PPM1L: variants seen among roughly 807,000 people sequenced by gnomAD.
The protein encoded by PPM1L is protein phosphatase, Mg2+/Mn2+ dependent 1L.
Under a neutral mutation model 31.4 loss-of-function variants are expected in PPM1L, and 13 were observed. That is an observed-to-expected ratio of 0.41 (90% CI 0.27 to 0.66). The LOEUF (loss-of-function observed/expected upper bound fraction) is 0.66, where lower values mean the gene tolerates loss of function less well. PPM1L is among the 30% of genes least tolerant of loss of function. The probability of loss-of-function intolerance (pLI) is 0.29; values close to 1 mark genes in which losing one functional copy is unlikely to be tolerated. For synonymous variants in PPM1L, 184 were observed against 175.4 expected (o/e 1.05, Z -0.39); for missense variants, 326 against 453.7 (o/e 0.72, Z 2.56).
chr3:161,058,970 T>A (rs1046554870), intron 2 of PPM1L, among the ~76,000 whole-genome samples: 2 of 152,182 alleles, frequency 1.3e-5, no homozygotes, highest in African/African-American at 2.4e-5. Flanking sequence ...AGAATAACTT[T>A]TTTGTATACT....
rs1361423027 is a variant in PPM1L at position 160,849,043 on chromosome 3, T to G, written c.399+92336T>G. Among the ~76,000 whole-genome samples, 3 of 152,336 alleles carry G rather than the reference T, an allele frequency of 2.0e-5. No individual in the cohort carries two copies. The South Asian group carries it at 6.2e-4, about 32-fold the overall frequency. ...GAGTGCATATGGGGAGTGGAGAAAC[T>G]GACACTATCTAGCCCAGTGACCTCA... is the stretch of plus-strand genomic sequence containing the variant. On this transcript the variant is annotated intron_variant, in intron 1 of 3. Coordinates refer to ENST00000498165, the MANE Select transcript of PPM1L (RefSeq NM_139245.4).
At chr3:160,839,324 CCCA>C (rs1363177039) in intron 1 of PPM1L, among the ~76,000 whole-genome samples, 1 of 152,090 alleles carries the variant, frequency 6.6e-6, no homozygotes, top group Non-Finnish European at 1.5e-5. Context: ...TACATTTTTT[CCCA>C]CACCTTAGAT....
intron 2 of PPM1L, among the ~76,000 whole-genome samples, chr3:160,978,824 A>C (rs952390001): frequency 1.3e-5 from 2 of 150,508 alleles, no homozygotes; most frequent in African/African-American, 4.8e-5. Flanking sequence ...AGCAAGACCC[A>C]GTTAAACAAC....
At chr3:161,068,751 CTA>C in intron 3 of PPM1L, 58 bp from the exon 4 acceptor site, 1 of 1,400,312 alleles carries the variant, frequency 7.1e-7, no homozygotes, top group Non-Finnish European at 9.8e-7. Context: ...CGTACCTAGA[CTA>C]TCCCAGGTAA....
chr3:160,945,112 G>A (rs1343668434), intron 1 of PPM1L, among the ~76,000 whole-genome samples: 4 of 16,932 alleles, frequency 2.4e-4, no homozygotes, highest in South Asian at 1.4e-3. Flanking sequence ...TAACATATAT[G>A]TTATCTATCT....
intron 1 of PPM1L, among the ~76,000 whole-genome samples, chr3:160,836,344 A>AAGAG (rs973804151): frequency 1.4e-5 from 2 of 145,654 alleles, no homozygotes; most frequent in Non-Finnish European, 3.0e-5. Flanking sequence ...GAGAGAGAGA[A>AAGAG]AGAGAGAGAG....
At chr3:160,828,802 A>G (rs892779147) in intron 1 of PPM1L, among the ~76,000 whole-genome samples, 20 of 142,178 alleles carry the variant, frequency 1.4e-4, no homozygotes, top group African/African-American at 4.7e-4. Context: ...TAGAGCCACT[A>G]AAAGCTAAAC....
chr3:160,877,003 A>C (rs1576684670), intron 1 of PPM1L, among the ~76,000 whole-genome samples: 1 of 152,320 alleles, frequency 6.6e-6, no homozygotes, highest in East Asian at 1.9e-4. Context: ...GCCACAGAGA[A>C]AGGGACATTG....
chr3:160,776,775 A>G (rs917582639), intron 1 of PPM1L, among the ~76,000 whole-genome samples: 1 of 151,636 alleles, frequency 6.6e-6, no homozygotes, highest in Non-Finnish European at 1.5e-5. Flanking sequence ...TAATTTTTGT[A>G]TTTTTAGTAG....
chr3:160,946,925 T>TA (rs1295537837), intron 1 of PPM1L, among the ~76,000 whole-genome samples: 2 of 152,160 alleles, frequency 1.3e-5, no homozygotes, highest in African/African-American at 4.8e-5. Flanking sequence ...TTTTCTGACT[T>TA]AAAAAATGAC....
chr3:160,886,804 T>C (rs971173048), intron 1 of PPM1L, among the ~76,000 whole-genome samples: 8 of 152,088 alleles, frequency 5.3e-5, no homozygotes, highest in African/African-American at 1.9e-4. Flanking sequence ...AGGGCCTCTT[T>C]TCCTCCAAAT....
chr3:161,050,277 C>T (rs1719230412), intron 2 of PPM1L, among the ~76,000 whole-genome samples: 1 of 152,094 alleles, frequency 6.6e-6, no homozygotes, highest in African/African-American at 2.4e-5. Flanking sequence ...AATCAAACAA[C>T]TATCAAAAAG....
At chr3:160,808,986 G>T (rs1013809018) in intron 1 of PPM1L, among the ~76,000 whole-genome samples, 2 of 152,128 alleles carry the variant, frequency 1.3e-5, no homozygotes, top group African/African-American at 2.4e-5. Context: ...CTTGAGTAGA[G>T]AAGTGCTGGC....
At chr3:160,844,732 C>G (rs1175637141) in intron 1 of PPM1L, among the ~76,000 whole-genome samples, 1 of 151,952 alleles carries the variant, frequency 6.6e-6, no homozygotes, top group East Asian at 1.9e-4. Context: ...TTTTAAAGAG[C>G]CTTATTGAAA....
intron 2 of PPM1L, among the ~76,000 whole-genome samples, chr3:160,964,595 C>T (rs947923406): frequency 6.6e-6 from 1 of 151,836 alleles, no homozygotes; most frequent in African/African-American, 2.4e-5. Context: ...AAGGGTCAGC[C>T]GTATTCTAAC....
At chr3:161,065,369 A>T in intron 2 of PPM1L, 34 bp from the exon 3 acceptor site, 1 of 1,603,586 alleles carries the variant, frequency 6.2e-7, no homozygotes, top group Non-Finnish European at 8.5e-7. Context: ...TGCACTGCTG[A>T]CCTCCCGCGT....
intron 2 of PPM1L, among the ~76,000 whole-genome samples, chr3:160,991,716 C>G (rs1000344762): frequency 6.6e-5 from 10 of 152,134 alleles, no homozygotes; most frequent in Non-Finnish European, 1.3e-4. Flanking sequence ...AAAAGACCCA[C>G]TGGAGGAGCT....
intron 1 of PPM1L, among the ~76,000 whole-genome samples, chr3:160,887,730 A>G (rs1712968236): frequency 1.3e-5 from 2 of 151,672 alleles, no homozygotes; most frequent in Non-Finnish European, 2.9e-5. Flanking sequence ...ATAGGCACCC[A>G]CCACCATGCC....
chr3:160,993,690 G>T (rs868494671), intron 2 of PPM1L, among the ~76,000 whole-genome samples: 1 of 152,098 alleles, frequency 6.6e-6, no homozygotes, highest in Non-Finnish European at 1.5e-5. Flanking sequence ...CTGACATGCC[G>T]CTAGACATGA....
Sources: allele counts gnomAD v4.1 joint callset (sites outside exome capture counted in the v4.1 genomes callset), GRCh38; gene constraint gnomAD v4.1.1; transcripts MANE v1.5; gene names NCBI Gene and HGNC (gene_info 2026-07-23, HGNC 2026-07-21).